Variants in CMSS1 observed in about 807,000 individuals in gnomAD.
The protein encoded by CMSS1 is cms1 ribosomal small subunit homolog, also known as protein CMSS1.
CMSS1 carries 33 observed loss-of-function variants against 43.5 expected under a neutral mutation model. The observed-to-expected ratio is 0.76, with a 90% CI of 0.57 to 1.01. CMSS1 has a LOEUF of 1.01. Ranked by LOEUF, CMSS1 falls within the 50% of genes least tolerant of loss-of-function variation. The probability of loss-of-function intolerance (pLI) is 0.00; values close to 1 mark genes in which losing one functional copy is unlikely to be tolerated. For missense variants in CMSS1, 313 were observed against 326.4 expected, an observed-to-expected ratio of 0.96 and a Z score of 0.32; for synonymous variants, 115 against 117.2, an observed-to-expected ratio of 0.98 and a Z score of 0.12.
chr3:99,832,375 C>G (rs1295018967), intron 1 of CMSS1, among the ~76,000 whole-genome samples: 1 of 150,948 alleles, frequency 6.6e-6, no homozygotes, highest in Admixed American at 6.6e-5. Flanking sequence ...GGACCACAGG[C>G]GACCGCCACC....
At chr3:100,139,051 T>C (rs1486424373) in intron 1 of CMSS1, among the ~76,000 whole-genome samples, 1 of 152,100 alleles carries the variant, frequency 6.6e-6, no homozygotes, top group Non-Finnish European at 1.5e-5. Flanking sequence ...GGGACATGGA[T>C]GAAGCTGGAA....
intron 1 of CMSS1, among the ~76,000 whole-genome samples, chr3:99,852,553 C>T (rs2107532569): frequency 6.6e-6 from 1 of 152,238 alleles, no homozygotes; most frequent in South Asian, 2.1e-4. Flanking sequence ...TCAAGCAATT[C>T]TCCTGTCTCA....
At chr3:99,953,660 A>G (rs933469274) in intron 1 of CMSS1, among the ~76,000 whole-genome samples, 2 of 152,198 alleles carry the variant, frequency 1.3e-5, no homozygotes, top group East Asian at 1.9e-4. Flanking sequence ...GGAAGATGCT[A>G]TAAATATATT....
intron 1 of CMSS1, among the ~76,000 whole-genome samples, chr3:100,124,457 G>A (rs1162101217): frequency 6.6e-6 from 1 of 152,194 alleles, no homozygotes; most frequent in African/African-American, 2.4e-5. Flanking sequence ...GGGCAGAAAT[G>A]AGAATGATGA....
chr3:99,888,785 G>A (rs1705991642), intron 1 of CMSS1, among the ~76,000 whole-genome samples: 1 of 152,052 alleles, frequency 6.6e-6, no homozygotes. Flanking sequence ...GATTCATTTT[G>A]ATGTTTCATA....
At chr3:99,818,964 G>A (rs989618151) in intron 1 of CMSS1, among the ~76,000 whole-genome samples, 1 of 152,190 alleles carries the variant, frequency 6.6e-6, no homozygotes, top group African/African-American at 2.4e-5. Context: ...CTCAAGGTCT[G>A]CCTCTTTTCT....
At chr3:99,856,240 T>C (rs1943959589) in intron 1 of CMSS1, among the ~76,000 whole-genome samples, 1 of 152,226 alleles carries the variant, frequency 6.6e-6, no homozygotes, top group Admixed American at 6.5e-5. Flanking sequence ...TGATAAGAGT[T>C]TGCTAAGAAG....
intron 1 of CMSS1, among the ~76,000 whole-genome samples, chr3:100,094,422 T>A (rs1240834470): frequency 6.6e-6 from 1 of 152,128 alleles, no homozygotes; most frequent in Non-Finnish European, 1.5e-5. Context: ...GTGGCAAAAG[T>A]CTTTTGTTTT....
At chr3:100,062,149 T>C in intron 1 of CMSS1, among the ~76,000 whole-genome samples, 1 of 125,552 alleles carries the variant, frequency 8.0e-6, no homozygotes, top group East Asian at 2.7e-4. Flanking sequence ...TGTTGCTCTG[T>C]CCCCCAGGCT....
intron 1 of CMSS1, among the ~76,000 whole-genome samples, chr3:99,985,619 C>T (rs1186502358): frequency 1.3e-5 from 2 of 150,536 alleles, no homozygotes; most frequent in African/African-American, 4.9e-5. Flanking sequence ...GATAGAGTCT[C>T]GCTCTGTTGC....
chr3:99,861,761 GACAGTGGAAA>G (rs1944269359), intron 1 of CMSS1, among the ~76,000 whole-genome samples: 1 of 152,200 alleles, frequency 6.6e-6, no homozygotes, highest in Non-Finnish European at 1.5e-5. Flanking sequence ...ATAGGAACGA[GACAGTGGAAA>G]ACTATGAGAG....
rs1472708595 is a variant in CMSS1 at position 99,856,074 on chromosome 3, G to A, written c.64+38031G>A. Reference sequence around the variant, plus strand: ...ACTGCTCCATCCATTGTTTGGTTCTGAACCTGTTGCTGCTGCTGCTCTTGC... The same window carrying A: ...ACTGCTCCATCCATTGTTTGGTTCTAAACCTGTTGCTGCTGCTGCTCTTGC... On this transcript the variant is annotated intron_variant, in intron 1 of 9. Transcript: ENST00000421999. Among the ~76,000 whole-genome samples, 3 of 152,156 alleles carry A rather than the reference G, an allele frequency of 2.0e-5. No individual in the cohort carries two copies. The East Asian group carries it at 5.8e-4, about 29-fold the overall frequency.
intron 9 of CMSS1, 116 bp downstream of exon 9, chr3:100,176,531 T>C: frequency 1.5e-6 from 1 of 656,120 alleles, no homozygotes; most frequent in East Asian, 2.8e-5. Flanking sequence ...TTGAAATGAT[T>C]TCTATCTTTT....
chr3:99,960,873 C>A (rs950829528), intron 1 of CMSS1, among the ~76,000 whole-genome samples: 1 of 152,080 alleles, frequency 6.6e-6, no homozygotes, highest in Non-Finnish European at 1.5e-5. Context: ...ATTGGTGTTT[C>A]TAAAGTAAAT....
At chr3:100,143,637 G>A (rs892873045) in intron 1 of CMSS1, among the ~76,000 whole-genome samples, 3 of 152,068 alleles carry the variant, frequency 2.0e-5, no homozygotes, top group Non-Finnish European at 4.4e-5. Flanking sequence ...TTTTAAGAGA[G>A]GACTGTTAAA....
rs140285582 is a variant in CMSS1, at chr3:100,021,964, A to T, written c.65-125009A>T. 9.4e-3 allele frequency among the ~76,000 whole-genome samples: 921 copies of T among 98,184 alleles called. 3 individuals are homozygous for T. The highest frequency in any genetic ancestry group is 0.024 in the African/African-American group (621 of 26,194). 64.4% of individuals were successfully genotyped at this position (98,184 alleles called of 152,430 possible). A position where few individuals can be genotyped will look rare whatever the true frequency, so the allele number is the denominator to read the frequency against. ...GTGTGTGTGTGTGTGTGTGTGTGAG[A>T]GAGAGAGAGAGAGAGAGAGAGAGAG... On this transcript the variant is annotated intron_variant, in intron 1 of 9. Coordinates refer to ENST00000421999, the MANE Select transcript of CMSS1 (RefSeq NM_032359.4).
At chr3:100,170,560 A>T (rs1294173068) in intron 6 of CMSS1, among the ~76,000 whole-genome samples, 1 of 152,226 alleles carries the variant, frequency 6.6e-6, no homozygotes, top group African/African-American at 2.4e-5. Flanking sequence ...TTAAGAAGAA[A>T]AAAAAAGAGT....
At chr3:100,052,246 T>C (rs1455826874) in intron 1 of CMSS1, among the ~76,000 whole-genome samples, 2 of 152,320 alleles carry the variant, frequency 1.3e-5, no homozygotes, top group South Asian at 2.1e-4. Context: ...ATACACTCCA[T>C]TGGAGTTTTG....
At chr3:99,924,508 G>GT (rs1409873387) in intron 1 of CMSS1, 9 of 1,220,066 alleles carry the variant, frequency 7.4e-6, no homozygotes, top group East Asian at 2.4e-5. Flanking sequence ...TCGGCAGTGG[G>GT]TTTTTTTGGT....
Sources: gnomAD v4.1 joint callset for allele counts (sites outside exome capture counted in the v4.1 genomes callset) on GRCh38, gnomAD v4.1.1 for gene constraint, MANE v1.5 for transcripts, NCBI Gene and HGNC (gene_info 2026-07-23, HGNC 2026-07-21) for gene names.